Variants in HOOK3 observed in about 807,000 individuals in gnomAD.
HOOK3 encodes the protein hook microtubule tethering protein 3, also known as protein Hook homolog 3.
HOOK3 carries 24 observed loss-of-function variants against 116.3 expected under a neutral mutation model. That is an observed-to-expected ratio of 0.21 (90% confidence interval 0.15 to 0.29). The LOEUF (loss-of-function observed/expected upper bound fraction) is 0.29, where lower values mean the gene tolerates loss of function less well. HOOK3 is among the 10% of genes least tolerant of loss of function. The pLI is 1.00. For missense variants in HOOK3, 632 were observed against 830.2 expected, an observed-to-expected ratio of 0.76 and a Z score of 2.93; for synonymous variants, 275 against 283.0, an observed-to-expected ratio of 0.97 and a Z score of 0.28.
chr8:42,980,659 G>T (rs1481610772), intron 13 of HOOK3, among the ~76,000 whole-genome samples: 1 of 152,058 alleles, frequency 6.6e-6, no homozygotes, highest in Non-Finnish European at 1.5e-5. Flanking sequence ...AAGTCCCAAG[G>T]CGGGTGGATC....
intron 1 of HOOK3, among the ~76,000 whole-genome samples, chr8:42,902,965 G>A (rs189721082): frequency 6.6e-6 from 1 of 152,230 alleles, no homozygotes; most frequent in East Asian, 1.9e-4. Context: ...TTTTGAAAAT[G>A]GGCCATTGAC....
At chr8:42,938,698 TTTTATTTA>T (rs57325956) in intron 4 of HOOK3, among the ~76,000 whole-genome samples, 77 of 149,818 alleles carry the variant, frequency 5.1e-4, no homozygotes, top group Admixed American at 1.5e-3. Flanking sequence ...AATGCTTTTC[TTTTATTTA>T]TTTATTTATT....
At chr8:42,992,483 T>C (rs1375797446) in intron 15 of HOOK3, among the ~76,000 whole-genome samples, 11 of 145,416 alleles carry the variant, frequency 7.6e-5, no homozygotes, top group East Asian at 6.2e-4. Flanking sequence ...TTTGGGAGGC[T>C]GAGGCGGGCG....
intron 6 of HOOK3, among the ~76,000 whole-genome samples, chr8:42,953,796 C>A (rs2130401967): frequency 6.6e-6 from 1 of 152,182 alleles, no homozygotes; most frequent in Middle Eastern, 3.4e-3. Flanking sequence ...AAATTCACTA[C>A]AATCCTGTGA....
chr8:43,012,873 A>AT (rs1809639172), intron 19 of HOOK3, among the ~76,000 whole-genome samples, 178 bp from the exon 20 acceptor site: 1 of 152,230 alleles, frequency 6.6e-6, no homozygotes, highest in Non-Finnish European at 1.5e-5. Flanking sequence ...AAGTGCTGTG[A>AT]TTACAGGCAT....
At chr8:42,998,873 A>G (rs1809330198) in intron 16 of HOOK3, among the ~76,000 whole-genome samples, 1 of 152,254 alleles carries the variant, frequency 6.6e-6, no homozygotes, top group Admixed American at 6.5e-5. Context: ...GTGAAACAAA[A>G]CTACCATTAG....
chr8:42,954,188 TTAAGA>T (rs1808395325), intron 6 of HOOK3, among the ~76,000 whole-genome samples: 1 of 152,158 alleles, frequency 6.6e-6, no homozygotes, highest in South Asian at 2.1e-4. Context: ...AAAATAAAAA[TTAAGA>T]TGAGGGAAAA....
intron 21 of HOOK3, among the ~76,000 whole-genome samples, chr8:43,015,071 C>T (rs1336963222): frequency 1.3e-5 from 2 of 151,796 alleles, no homozygotes; most frequent in African/African-American, 2.4e-5. Context: ...CGCTTAAACC[C>T]GGGAGGCGGA....
At chr8:42,943,063 G>A (rs1162457452) in intron 4 of HOOK3, among the ~76,000 whole-genome samples, 1 of 151,582 alleles carries the variant, frequency 6.6e-6, no homozygotes, top group Non-Finnish European at 1.5e-5. Context: ...GAGTACTCAG[G>A]GTTTTTTTGT....
At chr8:43,006,921 T>C (rs1809502338) in intron 17 of HOOK3, among the ~76,000 whole-genome samples, 1 of 151,048 alleles carries the variant, frequency 6.6e-6, no homozygotes, top group Non-Finnish European at 1.5e-5. Flanking sequence ...ACACATATTA[T>C]CAAATACCAG....
chr8:42,928,263 G>A (rs1432212395), intron 3 of HOOK3, among the ~76,000 whole-genome samples: 1 of 150,594 alleles, frequency 6.6e-6, no homozygotes, highest in Non-Finnish European at 1.5e-5. Flanking sequence ...TGGCGACAGA[G>A]CAAAACTCTG....
chr8:43,011,412 GGGAGACTTTAAAATAGCCTCCCAAATAA>G (rs1809609919), intron 19 of HOOK3, among the ~76,000 whole-genome samples: 1 of 152,022 alleles, frequency 6.6e-6, no homozygotes, highest in Non-Finnish European at 1.5e-5. Context: ...TAACTTATTT[GGGAGACTTTAAAATAGCCTCCCAAATAA>G]GTAACAGCAT....
chr8:42,934,417 A>T (rs970158438), intron 4 of HOOK3, among the ~76,000 whole-genome samples: 13 of 152,098 alleles, frequency 8.5e-5, no homozygotes, highest in Admixed American at 2.6e-4. Context: ...TTACACTTTA[A>T]GTTCTGAGAT....
At chr8:42,909,331 A>G (rs1042246471) in intron 2 of HOOK3, among the ~76,000 whole-genome samples, 8 of 152,238 alleles carry the variant, frequency 5.3e-5, no homozygotes, top group Non-Finnish European at 1.0e-4. Flanking sequence ...TGTTGAGGAG[A>G]TACCTGCACT....
intron 4 of HOOK3, among the ~76,000 whole-genome samples, chr8:42,940,365 G>A (rs562944603): frequency 9.2e-5 from 14 of 152,218 alleles, no homozygotes; most frequent in Non-Finnish European, 1.5e-4. Flanking sequence ...GCCCGCAATC[G>A]CAGGCACTCG....
At chr8:42,950,668 G>A (rs1295508903) in intron 6 of HOOK3, among the ~76,000 whole-genome samples, 2 of 151,794 alleles carry the variant, frequency 1.3e-5, no homozygotes, top group South Asian at 2.1e-4. Context: ...TATTTTGCAG[G>A]TATAGATATA....
chr8:43,007,858 A>G lies in HOOK3; in HGVS notation c.1667A>G (p.His556Arg). The G allele has an allele frequency of 1.3e-6, 2 of 1,597,518 alleles. No homozygotes were observed. Among genetic ancestry groups the G allele is most frequent in the South Asian group, 1.1e-5 (1 of 88,416 alleles). ...KKLEEHLEKL[H>R]EANNELQKKR... is the part of the protein sequence containing the mutation. Reference sequence around the variant, plus strand: ...CCTGTTTGTTACAGAGAGAAGCTGCATGAGGCCAATAATGAACTACAGAAG... The same window carrying G: ...CCTGTTTGTTACAGAGAGAAGCTGCGTGAGGCCAATAATGAACTACAGAAG... Residue 556 changes from histidine to arginine, a missense_variant, in exon 18 of 22, where the codon CAT becomes CGT. Physicochemically the swap from His to Arg is conservative, Grantham distance 29 (BLOSUM62 0). Transcript: ENST00000307602.
chr8:42,934,177 G>GT (rs1484171818), intron 4 of HOOK3, among the ~76,000 whole-genome samples: 1 of 151,364 alleles, frequency 6.6e-6, no homozygotes, highest in Non-Finnish European at 1.5e-5. Context: ...CCTTTCTCTC[G>GT]TTTTTTCTCT....
intron 10 of HOOK3, among the ~76,000 whole-genome samples, chr8:42,966,963 C>T (rs1400102058): frequency 2.0e-5 from 3 of 152,154 alleles, no homozygotes; most frequent in Non-Finnish European, 2.9e-5. Flanking sequence ...GCCTCATTTT[C>T]TTGCTGGGCC....
Sources: allele counts gnomAD v4.1 joint callset (sites outside exome capture counted in the v4.1 genomes callset), GRCh38; gene constraint gnomAD v4.1.1; transcripts MANE v1.5; gene names NCBI Gene and HGNC (gene_info 2026-07-23, HGNC 2026-07-21).